MPRIP: variants seen among roughly 807,000 people sequenced by gnomAD.
The protein encoded by MPRIP is myosin phosphatase Rho interacting protein.
A neutral mutation model predicts 234.9 loss-of-function variants in MPRIP; 59 were observed. That is an observed-to-expected ratio of 0.25 (90% CI 0.20 to 0.31). The LOEUF is 0.31. Ranked by LOEUF, MPRIP falls within the 10% of genes least tolerant of loss-of-function variation. MPRIP has a pLI of 1.00. For missense variants in MPRIP, 2,436 were observed against 3,071.0 expected (o/e 0.79, Z 4.89); for synonymous variants, 1,144 against 1,263.9 (o/e 0.91, Z 2.01).
At chr17:17,142,856 G>C in intron 8 of MPRIP, 91 bp downstream of exon 8, 6 of 1,435,672 alleles carry the variant, frequency 4.2e-6, no homozygotes, top group Non-Finnish European at 5.7e-6. Context: ...ACACAGGCCT[G>C]GGATGTGCTC....
At chr17:17,095,513 C>T (rs1342348414) in intron 3 of MPRIP, among the ~76,000 whole-genome samples, 1 of 152,144 alleles carries the variant, frequency 6.6e-6, no homozygotes, top group East Asian at 1.9e-4. Context: ...CTCTCATCTC[C>T]AATCTAGGAA....
intron 3 of MPRIP, among the ~76,000 whole-genome samples, chr17:17,109,651 T>C (rs2090130891): frequency 6.6e-6 from 1 of 152,230 alleles, no homozygotes; most frequent in Non-Finnish European, 1.5e-5. Flanking sequence ...GCCTAGAAGC[T>C]GTGAGACCCG....
In MPRIP at chr17:17,136,371, G is replaced by T. The variant is rs775651547; in HGVS notation, c.657G>T (p.Leu219=). The T allele has an allele frequency of 8.7e-6, 14 of 1,610,740 alleles. No individual in the cohort carries two copies. The highest frequency in any genetic ancestry group is 1.2e-5 in the Non-Finnish European group (14 of 1,178,462). The change falls in exon 6 of 24, where the codon CTG becomes CTT. Residue 219 remains leucine (L), a synonymous_variant. Coordinates refer to ENST00000651222, the MANE Select transcript of MPRIP (RefSeq NM_001364716.4). ...RTKDQPDGSS[L]SPAQSPSQSQ... is the part of the protein sequence containing the mutation. ...AGGACCAGCCAGATGGCAGCAGCCT[G>T]AGTCCAGCTCAGAGTCCCAGCCAGA... is the stretch of plus-strand genomic sequence containing the variant.
At chr17:17,082,621 G>T (rs539778223) in intron 3 of MPRIP, among the ~76,000 whole-genome samples, 2 of 152,154 alleles carry the variant, frequency 1.3e-5, no homozygotes, top group Non-Finnish European at 2.9e-5. Flanking sequence ...ACTGTGGTAA[G>T]TACACTGGAA....
intron 1 of MPRIP, among the ~76,000 whole-genome samples, chr17:17,070,406 C>T (rs1250474262): frequency 1.3e-5 from 2 of 152,310 alleles, no homozygotes; most frequent in South Asian, 4.1e-4. Context: ...TGTTAGACTT[C>T]TTGTTACAGT....
intron 3 of MPRIP, among the ~76,000 whole-genome samples, chr17:17,106,817 T>C (rs1597812984): frequency 6.6e-6 from 1 of 152,166 alleles, no homozygotes; most frequent in Admixed American, 6.5e-5. Flanking sequence ...GAAGGATAGG[T>C]CTTCAAACAT....
rs1041897010 is a variant in MPRIP, at chr17:17,078,339, G to A, written c.267+263G>A. Among the ~76,000 whole-genome samples the A allele has an allele frequency of 6.6e-6, 1 of 152,232 alleles. No homozygotes were observed. Among genetic ancestry groups the A allele is most frequent in the Non-Finnish European group, 1.5e-5 (1 of 68,040 alleles). ...AAGTCATTTCTGTTGAAGGCTAATA[G>A]TGTGGACTTCACTGGAGCACTCCTG... On this transcript the variant is annotated intron_variant, in intron 3 of 23. Coordinates refer to ENST00000651222, the MANE Select transcript of MPRIP (RefSeq NM_001364716.4). This position sits in a 1 kb window ranked among gnomAD's most constrained non-coding sequence, Gnocchi z 4.3.
chr17:17,176,468 CAGGAGATT>C lies in MPRIP; in HGVS notation c.6916_6923del (p.Glu2306LeufsTer5). 6.2e-7 allele frequency: 1 copy of C among 1,614,136 alleles called. No homozygotes were observed. The highest frequency in any genetic ancestry group is 2.2e-5 in the East Asian group (1 of 44,888). ...GGAATCGGAAATACAGTACCTGAAA[CAGGAGATT>C]AGCTCCCTCAAGGATGAGCTGCAGA... On this transcript the variant is annotated frameshift_variant, in exon 21 of 24. Coordinates refer to ENST00000651222, the MANE Select transcript of MPRIP (RefSeq NM_001364716.4). LOFTEE classifies it high-confidence loss of function.
intron 3 of MPRIP, among the ~76,000 whole-genome samples, chr17:17,098,142 G>A (rs75091921): frequency 1.3e-5 from 2 of 152,138 alleles, no homozygotes; most frequent in Non-Finnish European, 2.9e-5. Context: ...CCAAGTAGTG[G>A]CATTCACGCA....
intron 6 of MPRIP, 123 bp downstream of exon 6, chr17:17,136,573 G>T (rs1342993068): frequency 5.3e-6 from 5 of 940,396 alleles, no homozygotes; most frequent in Admixed American, 4.7e-5. Context: ...GATTCCCTTT[G>T]TCCATCAGCC....
chr17:17,066,721 A>ATTTTTTTTTTTTTTTTT (rs1567692140), intron 1 of MPRIP, among the ~76,000 whole-genome samples: 1 of 39,440 alleles, frequency 2.5e-5, no homozygotes, highest in African/African-American at 5.6e-5. Context: ...TACTTTTTTC[A>ATTTTTTTTTTTTTTTTT]TCTTTTTTTT....
At chr17:17,133,237 C>G (rs1345511274) in intron 5 of MPRIP, among the ~76,000 whole-genome samples, 1 of 152,172 alleles carries the variant, frequency 6.6e-6, no homozygotes, top group Non-Finnish European at 1.5e-5. Flanking sequence ...GCACTCAGGC[C>G]CCTCCTAAGA....
At chr17:17,100,059 C>CT (rs1481127303) in intron 3 of MPRIP, among the ~76,000 whole-genome samples, 1 of 152,168 alleles carries the variant, frequency 6.6e-6, no homozygotes, top group African/African-American at 2.4e-5. Context: ...GGAGGCCCAC[C>CT]TTTTGGAGGT....
At chr17:17,133,639 A>G (rs910466616) in intron 5 of MPRIP, among the ~76,000 whole-genome samples, 3 of 152,206 alleles carry the variant, frequency 2.0e-5, no homozygotes, top group African/African-American at 7.2e-5. Context: ...GTGCCCAGTA[A>G]GAATCAGCTT....
chr17:17,056,804 AC>A (rs1384609744), intron 1 of MPRIP, among the ~76,000 whole-genome samples: 2 of 151,884 alleles, frequency 1.3e-5, no homozygotes, highest in Non-Finnish European at 2.9e-5. Context: ...CCCAGCAACT[AC>A]AAATCTGCTT....
chr17:17,162,948 CTCTG>C (rs2045904960), intron 15 of MPRIP, among the ~76,000 whole-genome samples: 1 of 152,314 alleles, frequency 6.6e-6, no homozygotes, highest in African/African-American at 2.4e-5. Flanking sequence ...AGGAACCTAC[CTCTG>C]TCTAACTTGC....
chr17:17,189,222 TC>T lies in MPRIP; in HGVS notation c.*4329del, dbSNP rs1225533770. 1 of 152,396 alleles carries T rather than the reference TC, an allele frequency of 6.6e-6. No individual in the cohort carries two copies. Among genetic ancestry groups the T allele is most frequent in the African/African-American group, 2.4e-5 (1 of 41,438 alleles). The allele number at this position is 152,396 out of a possible 1,614,324, so 9.4% of individuals were successfully genotyped here. ...TTTTGTTTTCAAGACAGAGTCTCGC[TC>T]TGTTGTCCAGGCTGGAGTGTAGTGG... On this transcript the variant is annotated 3_prime_UTR_variant, in exon 24 of 24. Coordinates refer to ENST00000651222, the MANE Select transcript of MPRIP (RefSeq NM_001364716.4).
At chr17:17,091,721 G>A (rs2089723249) in intron 3 of MPRIP, among the ~76,000 whole-genome samples, 1 of 152,214 alleles carries the variant, frequency 6.6e-6, no homozygotes, top group Admixed American at 6.5e-5. Context: ...AACCGAGGGT[G>A]CAAAGAATGG....
intron 1 of MPRIP, among the ~76,000 whole-genome samples, chr17:17,068,281 G>A (rs2089102148): frequency 6.6e-6 from 1 of 152,048 alleles, no homozygotes; most frequent in Non-Finnish European, 1.5e-5. Context: ...CTCCAGAGTA[G>A]CTGGGATTAC....
Sources: gnomAD v4.1 joint callset for allele counts (sites outside exome capture counted in the v4.1 genomes callset) on GRCh38, gnomAD v4.1.1 for gene constraint, Gnocchi (gnomAD v3.1) non-coding constraint, MANE v1.5 for transcripts, NCBI Gene and HGNC (gene_info 2026-07-23, HGNC 2026-07-21) for gene names.